The following HMCN1 variants were observed in gnomAD, a reference collection of about 807,000 sequenced individuals.
HMCN1 encodes the protein hemicentin 1.
Under a neutral mutation model 625.9 loss-of-function variants are expected in HMCN1, and 321 were observed. The observed-to-expected ratio is 0.51, with a 90% CI of 0.47 to 0.56. The LOEUF is 0.56. Ranked by LOEUF, HMCN1 falls within the 20% of genes least tolerant of loss-of-function variation. The pLI is 0.00. For synonymous variants in HMCN1, 2,425 were observed against 2,417.6 expected, an observed-to-expected ratio of 1.00 and a Z score of -0.09; for missense variants, 6,588 against 6,887.3, an observed-to-expected ratio of 0.96 and a Z score of 1.54.
At chr1:185,740,930 G>A (rs961827946) in intron 1 of HMCN1, among the ~76,000 whole-genome samples, 1 of 152,156 alleles carries the variant, frequency 6.6e-6, no homozygotes, top group Admixed American at 6.5e-5. Context: ...GGAGGTGGAG[G>A]TTACAGTGAG....
intron 1 of HMCN1, among the ~76,000 whole-genome samples, chr1:185,770,655 A>G (rs1253393866): frequency 6.6e-6 from 1 of 152,114 alleles, no homozygotes; most frequent in South Asian, 2.1e-4. Flanking sequence ...TCAGCCCAAT[A>G]AACTGTTTCT....
At chr1:186,028,007 CT>C (rs1655172263) in intron 36 of HMCN1, among the ~76,000 whole-genome samples, 1 of 152,076 alleles carries the variant, frequency 6.6e-6, no homozygotes, top group South Asian at 2.1e-4. Flanking sequence ...CGGTTCAAGA[CT>C]CTAAGATTTT....
At chr1:186,086,613 C>A (rs1417488409) in intron 58 of HMCN1, among the ~76,000 whole-genome samples, 1 of 152,050 alleles carries the variant, frequency 6.6e-6, no homozygotes, top group African/African-American at 2.4e-5. Flanking sequence ...ATAACAAGGT[C>A]TCCTTCAAGA....
intron 4 of HMCN1, among the ~76,000 whole-genome samples, chr1:185,877,118 T>A (rs961544165): frequency 1.3e-5 from 2 of 151,858 alleles, no homozygotes; most frequent in African/African-American, 4.8e-5. Context: ...TAATTTCATT[T>A]TTCTGCATAT....
chr1:186,030,087 A>T (rs1571743666), intron 36 of HMCN1, among the ~76,000 whole-genome samples: 2 of 152,082 alleles, frequency 1.3e-5, no homozygotes, highest in South Asian at 4.1e-4. Flanking sequence ...CTGTAAGATT[A>T]TAGTCCTTTT....
intron 30 of HMCN1, 48 bp from the exon 31 acceptor site, chr1:186,015,111 A>C (rs1301824829): frequency 6.6e-7 from 1 of 1,514,964 alleles, no homozygotes; most frequent in Non-Finnish European, 9.2e-7. Context: ...ATTTTGATGA[A>C]GATGCTGAAA....
intron 22 of HMCN1, among the ~76,000 whole-genome samples, chr1:185,992,459 C>T (rs1189549932): frequency 1.3e-5 from 2 of 152,018 alleles, no homozygotes; most frequent in Non-Finnish European, 2.9e-5. Flanking sequence ...AATTTTATAT[C>T]TTTATTTTTC....
At chr1:186,103,783 C>G (rs1342442993) in intron 69 of HMCN1, 115 bp downstream of exon 69, 1 of 866,138 alleles carries the variant, frequency 1.2e-6, no homozygotes, top group Admixed American at 2.4e-5. Flanking sequence ...ATCTGTGTAA[C>G]TGGAGCAGGA....
intron 71 of HMCN1, among the ~76,000 whole-genome samples, chr1:186,110,389 T>G (rs996432118): frequency 2.0e-5 from 3 of 152,008 alleles, no homozygotes; most frequent in Non-Finnish European, 2.9e-5. Context: ...AGAAATAGGA[T>G]TAAAAGTAGG....
intron 55 of HMCN1, among the ~76,000 whole-genome samples, chr1:186,079,593 C>A (rs1558203838): frequency 6.6e-6 from 1 of 152,164 alleles, no homozygotes; most frequent in Non-Finnish European, 1.5e-5. Flanking sequence ...TCTGCCTATT[C>A]CTTGACCAAA....
chr1:186,163,035 G>A (rs112964327), intron 97 of HMCN1, among the ~76,000 whole-genome samples: 2,699 of 152,304 alleles, frequency 0.018, 92 homozygotes, highest in African/African-American at 0.056. Context: ...GCAGGCAGGC[G>A]TCCTTGAGCT....
At chr1:186,050,264 G>A (rs1656862035) in intron 42 of HMCN1, among the ~76,000 whole-genome samples, 1 of 151,776 alleles carries the variant, frequency 6.6e-6, no homozygotes. Flanking sequence ...GGTACCTGTG[G>A]ACTATGTGAA....
intron 50 of HMCN1, among the ~76,000 whole-genome samples, chr1:186,068,482 GC>G (rs1658268168): frequency 6.6e-6 from 1 of 152,130 alleles, no homozygotes; most frequent in Non-Finnish European, 1.5e-5. Context: ...GGTAATATGT[GC>G]AAAGAGTTGA....
At chr1:185,787,218 C>A (rs959109370) in intron 1 of HMCN1, among the ~76,000 whole-genome samples, 3 of 151,218 alleles carry the variant, frequency 2.0e-5, no homozygotes, top group Non-Finnish European at 4.4e-5. Context: ...GCCTGAAAGG[C>A]AGACAGAAAA....
In HMCN1 at chr1:186,074,839, A is replaced by G. The variant is rs1440239464; in HGVS notation, c.8238A>G (p.Val2746=). ...CAGACACCGGACGATATACTTGTGT[A>G]GCATCTAACATTGCAGGTGAAGATG... ...QISDTGRYTC[V]ASNIAGEDEL... The change falls in exon 53 of 107, where the codon GTA becomes GTG. Residue 2746 remains valine (V), a synonymous_variant. Transcript: ENST00000271588. The G allele has an allele frequency of 2.5e-6, 4 of 1,612,998 alleles. No individual in the cohort carries two copies. Among genetic ancestry groups the G allele is most frequent in the Non-Finnish European group, 3.4e-6 (4 of 1,179,306 alleles).
At chr1:186,063,598 C>T (rs1657917824) in intron 48 of HMCN1, among the ~76,000 whole-genome samples, 1 of 152,058 alleles carries the variant, frequency 6.6e-6, no homozygotes, top group African/African-American at 2.4e-5. Context: ...TCTTGCCCTA[C>T]CTTTTTAAAT....
Position 186,076,561 on chromosome 1 carries a change from A to G in HMCN1, c.8424A>G (p.Thr2808=). ...AGACAAATGCTGCTCCCCCTCCTACACTGACATGGTACAAAGATGGCCACC... is the reference window on the plus strand; with the variant it reads ...AGACAAATGCTGCTCCCCCTCCTACGCTGACATGGTACAAAGATGGCCACC... ...YCETNAAPPP[T]LTWYKDGHPL... The change falls in exon 54 of 107, where the codon ACA becomes ACG. Residue 2808 remains threonine (T), a synonymous_variant. Transcript: ENST00000271588. 6.2e-7 allele frequency: 1 copy of G among 1,613,782 alleles called. No homozygotes were observed. Among genetic ancestry groups the G allele is most frequent in the Non-Finnish European group, 8.5e-7 (1 of 1,179,800 alleles).
chr1:185,964,958 C>G (rs1259003989), intron 13 of HMCN1, among the ~76,000 whole-genome samples: 5 of 151,984 alleles, frequency 3.3e-5, no homozygotes, highest in Non-Finnish European at 7.4e-5. Flanking sequence ...AAAAAAAAAG[C>G]TATGCACCCA....
At chr1:186,165,295 C>A in intron 98 of HMCN1, 122 bp downstream of exon 98, 1 of 872,632 alleles carries the variant, frequency 1.1e-6, no homozygotes, top group Non-Finnish European at 1.9e-6. Flanking sequence ...CTGTAAACAT[C>A]CCATTTGACA....
Sources: gnomAD v4.1 joint callset for allele counts (sites outside exome capture counted in the v4.1 genomes callset) on GRCh38, gnomAD v4.1.1 for gene constraint, MANE v1.5 for transcripts, NCBI Gene and HGNC (gene_info 2026-07-23, HGNC 2026-07-21) for gene names.